MIA2: variants seen among roughly 807,000 people sequenced by gnomAD.
MIA2 encodes melanoma inhibitory activity protein 2.
In MIA2, 127 loss-of-function variants were observed where a neutral mutation model predicts 167.8. The ratio of observed to expected loss-of-function variants is 0.76; its 90% CI spans 0.66 to 0.88. The LOEUF (loss-of-function observed/expected upper bound fraction) is 0.88. Ranked by LOEUF, MIA2 falls within the 40% of genes least tolerant of loss-of-function variation. The pLI is 0.00. For missense variants in MIA2, 1,690 were observed against 1,624.7 expected (o/e 1.04, Z -0.69); for synonymous variants, 552 against 541.9 (o/e 1.02, Z -0.26).
At chr14:39,284,877 C>A (rs2152780615) in intron 9 of MIA2, among the ~76,000 whole-genome samples, 1 of 151,862 alleles carries the variant, frequency 6.6e-6, no homozygotes, top group African/African-American at 2.4e-5. Context: ...CTCTGGTTTT[C>A]CTAGGCAGAG....
chr14:39,360,467 T>C (rs1459802184), intron 23 of MIA2, among the ~76,000 whole-genome samples: 1 of 149,436 alleles, frequency 6.7e-6, no homozygotes, highest in African/African-American at 2.5e-5. Context: ...TTTTTTTTTG[T>C]TTGTTTGTTT....
intron 23 of MIA2, among the ~76,000 whole-genome samples, chr14:39,358,328 C>G (rs62000714): frequency 0.027 from 4,046 of 152,298 alleles, 79 homozygotes; most frequent in South Asian, 0.04. Context: ...CATACCCTTT[C>G]TTCCAGTTGA....
intron 23 of MIA2, among the ~76,000 whole-genome samples, chr14:39,380,500 C>T (rs1346039145): frequency 1.3e-5 from 2 of 151,940 alleles, no homozygotes; most frequent in Middle Eastern, 3.2e-3. Context: ...AGAGAGCATC[C>T]TGGCCAACAT....
At chr14:39,347,616 C>A in intron 26 of MIA2, 97 bp from the exon 27 acceptor site, 1 of 1,246,814 alleles carries the variant, frequency 8.0e-7, no homozygotes, top group Non-Finnish European at 1.2e-6. Context: ...TATGTGCCAA[C>A]AAGGGGAGTG....
rs917989771 is a variant in MIA2 at position 39,379,849 on chromosome 14, C to CA, written c.2249-7028dup. Reference sequence around the variant, plus strand: ...TGGGCAACAGAGCAAGACTATGTCTCAAAAAAAACCCAAAAACCTTAAATT... The same window carrying CA: ...TGGGCAACAGAGCAAGACTATGTCTCAAAAAAAAACCCAAAAACCTTAAATT... On this transcript the variant is annotated intron_variant, in intron 23 of 23. Transcript: ENST00000341502. Among the ~76,000 whole-genome samples the CA allele has an allele frequency of 2.4e-4, 36 of 151,010 alleles. 1 individual carries two copies. Among genetic ancestry groups the CA allele is most frequent in the African/African-American group, 2.7e-4 (11 of 41,164 alleles).
intron 9 of MIA2, among the ~76,000 whole-genome samples, chr14:39,285,662 T>TCACCCCCCACCTCCCTCCCG (rs1566730750): frequency 2.8e-4 from 1 of 3,618 alleles, no homozygotes; most frequent in African/African-American, 5.1e-4. Context: ...GGGCTGGGGC[T>TCACCCCCCACCTCCCTCCCG]GACCCCCCAC....
chr14:39,307,788 C>T (rs181097779), intron 17 of MIA2, among the ~76,000 whole-genome samples: 154 of 152,126 alleles, frequency 1.0e-3, no homozygotes, highest in African/African-American at 3.5e-3. Context: ...TAATGGGATC[C>T]TGTTTTGTGG....
In MIA2 at chr14:39,304,391, T is replaced by A; in HGVS notation, c.2878+10T>A. On this transcript the variant is annotated intron_variant, in intron 17 of 28. Transcript: ENST00000640607. ...AAGGAAGAGCTTACAGGTAGGTCAT[T>A]GACATACATACTTTTAATGTTTTTC... 1 of 1,419,660 alleles carries A rather than the reference T, an allele frequency of 7.0e-7. No individual in the cohort carries two copies. The highest frequency in any genetic ancestry group is 9.7e-7 in the Non-Finnish European group (1 of 1,033,582). 87.9% of individuals were successfully genotyped at this position (1,419,660 alleles called of 1,614,324 possible). A position where few individuals can be genotyped will look rare whatever the true frequency, so the allele number is the denominator to read the frequency against.
chr14:39,287,014 C>A (rs1179802869), intron 9 of MIA2, among the ~76,000 whole-genome samples: 2 of 152,060 alleles, frequency 1.3e-5, no homozygotes, highest in Non-Finnish European at 2.9e-5. Context: ...GCGTGAGCTA[C>A]CATGCCAGGC....
In MIA2 at chr14:39,257,572, A is replaced by G. The variant is rs146884884; in HGVS notation, c.1887+4401A>G. On this transcript the variant is annotated intron_variant, in intron 6 of 28. Coordinates refer to ENST00000640607, the MANE Select transcript of MIA2 (RefSeq NM_001329214.4). ...TCTCTGTCTTTTAATTGGGGTATTT[A>G]GCCCATTTACATTTAAGGTTAATAT... 6.3e-3 allele frequency among the ~76,000 whole-genome samples: 965 copies of G among 152,244 alleles called. 15 individuals are homozygous for G. Among genetic ancestry groups the G allele is most frequent in the African/African-American group, 0.022 (934 of 41,552 alleles).
chr14:39,234,060 C>A lies in MIA2; in HGVS notation c.-55C>A. On this transcript the variant is annotated 5_prime_UTR_variant, in exon 1 of 29. Transcript: ENST00000640607. ...TCTCCAGTTTTGGCTGACATCTCTA[C>A]AACCTGAACAATTGGCTTAAACTTC... 1 of 1,167,664 alleles carries A rather than the reference C, an allele frequency of 8.6e-7. No individual in the cohort carries two copies. Among genetic ancestry groups the A allele is most frequent in the Non-Finnish European group, 1.2e-6 (1 of 800,916 alleles). 72.3% of individuals were successfully genotyped at this position (1,167,664 alleles called of 1,614,324 possible). A position where few individuals can be genotyped will look rare whatever the true frequency, so the allele number is the denominator to read the frequency against.
intron 23 of MIA2, among the ~76,000 whole-genome samples, chr14:39,381,226 G>A (rs934828637): frequency 5.9e-5 from 9 of 152,084 alleles, no homozygotes; most frequent in African/African-American, 1.9e-4. Context: ...GGTGGTAAGA[G>A]GAAGGAAAGA....
rs370148192 is a variant in MIA2 at position 39,350,051 on chromosome 14, C to G, written c.4073-47C>G. ...CTTAATGATTTATTAGGGCACAGTA[C>G]AGGTTCTTAAAGTTAAAAAATGTCT... On this transcript the variant is annotated intron_variant, in intron 28 of 28. Coordinates refer to ENST00000640607, the MANE Select transcript of MIA2 (RefSeq NM_001329214.4). 3.2e-3 allele frequency: 2,346 copies of G among 726,232 alleles called. 13 individuals carry two copies. The highest frequency in any genetic ancestry group is 4.4e-3 in the Non-Finnish European group (1,861 of 426,552). The allele number at this position is 726,232 out of a possible 1,614,324, so 45.0% of individuals were successfully genotyped here.
intron 23 of MIA2, among the ~76,000 whole-genome samples, chr14:39,365,060 A>G (rs926477602): frequency 2.7e-5 from 4 of 149,962 alleles, no homozygotes; most frequent in African/African-American, 1.0e-4. Context: ...TTTTTAAATA[A>G]TTGGGGTTTT....
At chr14:39,329,296 G>A (rs2068259167) in intron 25 of MIA2, among the ~76,000 whole-genome samples, 2 of 152,102 alleles carry the variant, frequency 1.3e-5, no homozygotes, top group African/African-American at 4.8e-5. Flanking sequence ...TGTGATTTTT[G>A]CACATTGATT....
intron 15 of MIA2, 85 bp from the exon 16 acceptor site, chr14:39,303,393 G>C (rs2062832203): frequency 9.5e-7 from 1 of 1,053,370 alleles, no homozygotes; most frequent in Non-Finnish European, 1.4e-6. Flanking sequence ...TTCTGGTTTA[G>C]TGAACTGATA....
At chr14:39,264,095 C>T (rs1348898312) in intron 6 of MIA2, among the ~76,000 whole-genome samples, 1 of 152,106 alleles carries the variant, frequency 6.6e-6, no homozygotes, top group African/African-American at 2.4e-5. Context: ...CAGTCCTTGA[C>T]CTGCTCCCTT....
At chr14:39,305,489 A>C (rs2063183988) in intron 17 of MIA2, among the ~76,000 whole-genome samples, 1 of 152,136 alleles carries the variant, frequency 6.6e-6, no homozygotes, top group Admixed American at 6.5e-5. Context: ...CTCTTCTTTC[A>C]AATCTAACTT....
chr14:39,333,442 CT>C (rs2069419250), intron 25 of MIA2, among the ~76,000 whole-genome samples: 1 of 152,184 alleles, frequency 6.6e-6, no homozygotes, highest in Non-Finnish European at 1.5e-5. Flanking sequence ...CAGCCATAGA[CT>C]TGGGCAGAGA....
Sources: gnomAD v4.1 joint callset for allele counts (sites outside exome capture counted in the v4.1 genomes callset) on GRCh38, gnomAD v4.1.1 for gene constraint, MANE v1.5 for transcripts, NCBI Gene and HGNC (gene_info 2026-07-23, HGNC 2026-07-21) for gene names.